DOCK3: variants seen among roughly 807,000 people sequenced by gnomAD.
The protein encoded by DOCK3 is dedicator of cytokinesis protein 3.
Under a neutral mutation model 265.6 loss-of-function variants are expected in DOCK3, and 60 were observed. The observed-to-expected ratio is 0.23, with a 90% CI of 0.18 to 0.28. The LOEUF is 0.28. DOCK3 is among the 10% of genes least tolerant of loss of function. The probability of loss-of-function intolerance (pLI) is 1.00; values close to 1 mark genes in which losing one functional copy is unlikely to be tolerated. For missense variants in DOCK3, 1,981 were observed against 2,594.3 expected, an observed-to-expected ratio of 0.76 and a Z score of 5.14; for synonymous variants, 881 against 938.0, an observed-to-expected ratio of 0.94 and a Z score of 1.11.
intron 9 of DOCK3, among the ~76,000 whole-genome samples, chr3:51,114,473 G>T (rs2083648910): frequency 6.6e-6 from 1 of 152,188 alleles, no homozygotes; most frequent in African/African-American, 2.4e-5. Context: ...CATCAGTGGA[G>T]ATTTTAGTTT....
Position 51,350,351 on chromosome 3 carries a change from C to T in DOCK3, c.4066C>T (p.Arg1356Trp). ...GCAACGCCTGGAGCCTGAGTTCTTT[C>T]GGGTCGGCTTCTATGGCAGGAAGTT... ...EQQRLEPEFF[R>W]VGFYGRKFPF... The change falls in exon 40 of 53, where the codon CGG (arginine) becomes TGG (tryptophan). Residue 1356 changes from arginine (R) to tryptophan (W), a missense_variant. Physicochemically the swap from Arg to Trp is moderately radical, Grantham distance 101 (BLOSUM62 -3). Around this residue, in one of 4 missense-constraint regions of DOCK3, gnomAD observed 1,357 missense variants for 1,866.8 expected, o/e 0.73. Coordinates refer to ENST00000266037, the MANE Select transcript of DOCK3 (RefSeq NM_004947.5). 8 of 1,612,242 alleles carry T rather than the reference C, an allele frequency of 5.0e-6. No homozygotes were observed. The highest frequency in any genetic ancestry group is 1.7e-4 in the Middle Eastern group (1 of 6,060).
In DOCK3 at chr3:51,321,418, TCTC is replaced by T. The variant is rs1430891615; in HGVS notation, c.3402+6295_3402+6297del. On this transcript the variant is annotated intron_variant, in intron 32 of 52. Transcript: ENST00000266037. The stretch of plus-strand genomic sequence containing the variant: ...AAATTCCAAAAACCAGAATGCCTCT[TCTC>T]CTCCAGAGGATCACAACTCCTAGCC... Among the ~76,000 whole-genome samples the T allele has an allele frequency of 1.9e-4, 29 of 152,166 alleles. 1 individual carries two copies. The highest frequency in any genetic ancestry group is 4.8e-4 in the African/African-American group (20 of 41,528).
chr3:51,097,669 C>G (rs1008311472), intron 9 of DOCK3, among the ~76,000 whole-genome samples: 2 of 152,184 alleles, frequency 1.3e-5, no homozygotes, highest in Non-Finnish European at 2.9e-5. Flanking sequence ...GAAAATAAAA[C>G]TCCTGCAGCT....
intron 1 of DOCK3, among the ~76,000 whole-genome samples, chr3:50,732,646 A>G (rs2038297118): frequency 6.6e-6 from 1 of 152,108 alleles, no homozygotes; most frequent in African/African-American, 2.4e-5. Flanking sequence ...CTTGGCCTCA[A>G]GCCATCCTCC....
rs116007864 is a variant in DOCK3, at chr3:50,837,707, T to G, written c.122-3968T>G. Among the ~76,000 whole-genome samples the G allele has an allele frequency of 8.7e-4, 132 of 152,262 alleles. 1 individual carries two copies. Among genetic ancestry groups the G allele is most frequent in the African/African-American group, 2.8e-3 (115 of 41,548 alleles). ...ATATAGGATGATTGGAGATGGCCTT[T>G]CTGAGAAGATAACATTTGGGCAGAG... is the stretch of plus-strand genomic sequence containing the variant. On this transcript the variant is annotated intron_variant, in intron 2 of 52. Transcript: ENST00000266037.
intron 27 of DOCK3, among the ~76,000 whole-genome samples, chr3:51,300,769 A>C (rs1310222258): frequency 6.6e-6 from 1 of 152,214 alleles, no homozygotes; most frequent in Non-Finnish European, 1.5e-5. Context: ...ATCATGGTAG[A>C]TAAGCTATTT....
chr3:50,798,141 C>T (rs1027039206), intron 2 of DOCK3, among the ~76,000 whole-genome samples: 6 of 151,962 alleles, frequency 3.9e-5, no homozygotes, highest in African/African-American at 9.7e-5. Context: ...CTGTTACATG[C>T]GAGGGGGGAA....
rs570216324 is a variant in DOCK3, at chr3:51,325,354, G to A, written c.3403-4784G>A. Among the ~76,000 whole-genome samples the A allele has an allele frequency of 1.1e-4, 17 of 152,168 alleles. No homozygotes were observed. In the South Asian group the frequency reaches 1.2e-3, roughly 11 times the overall value. The stretch of plus-strand genomic sequence containing the variant: ...CATTAGAGAAATGCAAATCAAAACC[G>A]CGATGAGATACCATCTCACACCAGT... On this transcript the variant is annotated intron_variant, in intron 32 of 52. Transcript: ENST00000266037.
chr3:50,682,375 A>G (rs561557228), intron 1 of DOCK3, among the ~76,000 whole-genome samples: 2 of 152,234 alleles, frequency 1.3e-5, no homozygotes, highest in East Asian at 3.9e-4. Flanking sequence ...CTTTGTTCAT[A>G]TTGTTCCTTC....
chr3:50,790,572 C>T (rs1235106506), intron 2 of DOCK3, among the ~76,000 whole-genome samples: 2 of 149,282 alleles, frequency 1.3e-5, no homozygotes, highest in Admixed American at 6.7e-5. Flanking sequence ...CCTTCATTTA[C>T]GAAGCTTAGT....
chr3:51,253,311 G>C (rs547851974), intron 22 of DOCK3, among the ~76,000 whole-genome samples: 1 of 152,256 alleles, frequency 6.6e-6, no homozygotes, highest in South Asian at 2.1e-4. Flanking sequence ...CAGGGATATT[G>C]GTCTAAAATT....
At chr3:50,736,008 G>C (rs889644210) in intron 1 of DOCK3, among the ~76,000 whole-genome samples, 1 of 152,032 alleles carries the variant, frequency 6.6e-6, no homozygotes, top group Non-Finnish European at 1.5e-5. Flanking sequence ...CCATTAACTC[G>C]TCATTTACAT....
intron 5 of DOCK3, among the ~76,000 whole-genome samples, chr3:51,014,477 A>C (rs892824821): frequency 6.6e-6 from 1 of 152,112 alleles, no homozygotes; most frequent in African/African-American, 2.4e-5. Flanking sequence ...TTTTCCAGTT[A>C]AATACCTCCA....
intron 22 of DOCK3, among the ~76,000 whole-genome samples, chr3:51,256,574 A>G (rs1576563640): frequency 6.9e-6 from 1 of 144,454 alleles, no homozygotes; most frequent in African/African-American, 2.6e-5. Context: ...CCCAGCGAAG[A>G]GCTTGAGTTT....
At chr3:51,169,471 C>T (rs1282685098) in intron 12 of DOCK3, among the ~76,000 whole-genome samples, 1 of 152,134 alleles carries the variant, frequency 6.6e-6, no homozygotes, top group Non-Finnish European at 1.5e-5. Context: ...TCAATCTTAG[C>T]AAACTAACTC....
chr3:51,232,229 A>C (rs982310152), intron 19 of DOCK3, among the ~76,000 whole-genome samples: 2 of 152,062 alleles, frequency 1.3e-5, no homozygotes, highest in African/African-American at 4.8e-5. Context: ...TGCACCTATC[A>C]CCCAAGCAGT....
intron 5 of DOCK3, among the ~76,000 whole-genome samples, chr3:51,010,827 T>G (rs2078918334): frequency 6.6e-6 from 1 of 152,188 alleles, no homozygotes; most frequent in African/African-American, 2.4e-5. Context: ...GGTGACAAAA[T>G]CTCTCAGCAT....
chr3:51,310,536 A>G (rs1440476048), intron 28 of DOCK3, among the ~76,000 whole-genome samples: 2 of 152,252 alleles, frequency 1.3e-5, no homozygotes, highest in African/African-American at 4.8e-5. Context: ...GATGTGAAAT[A>G]TAATATCCAG....
At chr3:51,330,702 A>G (rs151060922) in intron 33 of DOCK3, among the ~76,000 whole-genome samples, 3 of 152,246 alleles carry the variant, frequency 2.0e-5, no homozygotes, top group African/African-American at 7.2e-5. Flanking sequence ...TGTTTGTGGA[A>G]TGAGATGGTT....
Sources: gnomAD v4.1 joint callset for allele counts (sites outside exome capture counted in the v4.1 genomes callset) on GRCh38, gnomAD v4.1.1 for gene constraint, gnomAD v4.1.1 regional missense constraint, MANE v1.5 for transcripts, NCBI Gene and HGNC (gene_info 2026-07-23, HGNC 2026-07-21) for gene names.